CDH8: variants seen among roughly 807,000 people sequenced by gnomAD.
CDH8 encodes cadherin 8.
Under a neutral mutation model 68.1 loss-of-function variants are expected in CDH8, and 17 were observed. The observed-to-expected ratio is 0.25, with a 90% CI of 0.17 to 0.37. CDH8 has a LOEUF of 0.37. CDH8 is among the 10% of genes least tolerant of loss of function. The pLI is 1.00. For synonymous variants in CDH8, 372 were observed against 365.1 expected (o/e 1.02, Z -0.21); for missense variants, 763 against 999.3 (o/e 0.76, Z 3.19).
chr16:61,948,258 T>C (rs1444337106), intron 2 of CDH8, among the ~76,000 whole-genome samples: 1 of 152,210 alleles, frequency 6.6e-6, no homozygotes, highest in African/African-American at 2.4e-5. Context: ...TCTGATCTCC[T>C]GCTTCTCTGC....
At chr16:61,710,245 A>T (rs984310673) in intron 10 of CDH8, among the ~76,000 whole-genome samples, 1 of 152,090 alleles carries the variant, frequency 6.6e-6, no homozygotes, top group Non-Finnish European at 1.5e-5. Context: ...TGATTTGCTT[A>T]AAGTAAGAGT....
chr16:61,842,301 A>C (rs1195168363), intron 4 of CDH8, among the ~76,000 whole-genome samples: 1 of 152,082 alleles, frequency 6.6e-6, no homozygotes, highest in Admixed American at 6.6e-5. Context: ...ACATTTAGGA[A>C]GTGATTAGGC....
chr16:61,809,573 C>T (rs1241597515), intron 7 of CDH8, among the ~76,000 whole-genome samples: 1 of 152,082 alleles, frequency 6.6e-6, no homozygotes, highest in African/African-American at 2.4e-5. Context: ...ACGTTCTGCA[C>T]ATGTATCCCA....
chr16:61,706,412 T>C (rs1567432883), intron 10 of CDH8, among the ~76,000 whole-genome samples: 1 of 151,696 alleles, frequency 6.6e-6, no homozygotes, highest in East Asian at 2.0e-4. Context: ...GGTCAGGAGA[T>C]CGAGACCATC....
intron 10 of CDH8, among the ~76,000 whole-genome samples, chr16:61,696,209 CTCT>C (rs1964322518): frequency 6.6e-6 from 1 of 152,192 alleles, no homozygotes; most frequent in African/African-American, 2.4e-5. Context: ...CTGTGACTTA[CTCT>C]TTATTTTCAC....
chr16:61,729,035 G>A (rs1047848149), intron 8 of CDH8, among the ~76,000 whole-genome samples: 1 of 151,074 alleles, frequency 6.6e-6, no homozygotes, highest in East Asian at 1.9e-4. Context: ...CAGGTATATT[G>A]AATGTTTACT....
intron 7 of CDH8, among the ~76,000 whole-genome samples, chr16:61,813,438 T>C (rs138654435): frequency 9.9e-4 from 151 of 152,274 alleles, no homozygotes; most frequent in South Asian, 2.1e-3. Context: ...ATGCCTAAGC[T>C]GATAAAAGGC....
intron 8 of CDH8, among the ~76,000 whole-genome samples, chr16:61,761,985 A>G (rs1459325775): frequency 6.6e-6 from 1 of 152,134 alleles, no homozygotes; most frequent in Non-Finnish European, 1.5e-5. Context: ...TGGACAACAG[A>G]GCAAGACTTT....
intron 8 of CDH8, among the ~76,000 whole-genome samples, chr16:61,760,033 C>T (rs1350909087): frequency 2.6e-5 from 4 of 152,072 alleles, no homozygotes; most frequent in African/African-American, 4.8e-5. Context: ...ACCCCCCACC[C>T]CAACCCAAGG....
In CDH8 at chr16:61,653,430, CAT is replaced by C. The variant is rs1963368339; in HGVS notation, c.*176_*177del. On this transcript the variant is annotated 3_prime_UTR_variant, in exon 12 of 12. Transcript: ENST00000577390. ...CTCCACAAGATTTATAACCTCCTAA[CAT>C]ATACTTTTTTATTTTATTATCTTTT... 7.1e-7 allele frequency: 1 copy of C among 1,410,882 alleles called. No individual in the cohort carries two copies. Among genetic ancestry groups the C allele is most frequent in the Admixed American group, 3.2e-5 (1 of 31,550 alleles). 87.4% of individuals were successfully genotyped at this position (1,410,882 alleles called of 1,614,324 possible). A position where few individuals can be genotyped will look rare whatever the true frequency, so the allele number is the denominator to read the frequency against.
intron 3 of CDH8, among the ~76,000 whole-genome samples, chr16:61,885,153 A>G (rs1963650168): frequency 6.6e-6 from 1 of 152,228 alleles, no homozygotes; most frequent in Non-Finnish European, 1.5e-5. Context: ...ACTACAAAGC[A>G]GACAAAACAT....
At chr16:61,851,626 CAT>C (rs1223432569) in intron 4 of CDH8, among the ~76,000 whole-genome samples, 1 of 151,466 alleles carries the variant, frequency 6.6e-6, no homozygotes, top group Non-Finnish European at 1.5e-5. Context: ...TACAGGCAAA[CAT>C]ATGGTATTGG....
At chr16:61,966,021 T>TA (rs946263999) in intron 2 of CDH8, among the ~76,000 whole-genome samples, 4 of 152,014 alleles carry the variant, frequency 2.6e-5, no homozygotes, top group African/African-American at 9.7e-5. Context: ...AGGATGAAAA[T>TA]AAAAAAATGC....
chr16:61,851,571 C>T (rs943360356), intron 4 of CDH8, among the ~76,000 whole-genome samples: 1 of 151,860 alleles, frequency 6.6e-6, no homozygotes, highest in African/African-American at 2.4e-5. Flanking sequence ...AAATTAGTGC[C>T]TTTTAAATAA....
chr16:62,032,958 T>TC (rs1264854665), intron 1 of CDH8, among the ~76,000 whole-genome samples: 2 of 152,164 alleles, frequency 1.3e-5, no homozygotes, highest in Non-Finnish European at 2.9e-5. Flanking sequence ...ATGTTCTTTT[T>TC]CCCCACCAAT....
At chr16:62,031,823 A>G (rs1017720768) in intron 1 of CDH8, among the ~76,000 whole-genome samples, 2 of 152,182 alleles carry the variant, frequency 1.3e-5, no homozygotes, top group Admixed American at 6.5e-5. Context: ...GTGCTTTGCC[A>G]TGAAGCAACA....
At chr16:61,985,401 A>G (rs1965609024) in intron 2 of CDH8, among the ~76,000 whole-genome samples, 1 of 152,254 alleles carries the variant, frequency 6.6e-6, no homozygotes, top group African/African-American at 2.4e-5. Context: ...CATAGTAGAC[A>G]GCACATATAT....
In CDH8 at chr16:61,650,880, A is replaced by G. The variant is rs1963308187; in HGVS notation, c.*2728T>C. On this transcript the variant is annotated 3_prime_UTR_variant, in exon 12 of 12. Transcript: ENST00000577390. ...ATAGGCTTTTAAACACAAAATGCTG[A>G]CACTGTGGTGGCAAAGAAAGTCAGC... The G allele has an allele frequency of 6.6e-6, 1 of 152,096 alleles. No individual in the cohort carries two copies. Among genetic ancestry groups the G allele is most frequent in the Non-Finnish European group, 1.5e-5 (1 of 68,018 alleles). 9.4% of individuals were successfully genotyped at this position (152,096 alleles called of 1,614,324 possible). A position where few individuals can be genotyped will look rare whatever the true frequency, so the allele number is the denominator to read the frequency against.
Position 61,727,125 on chromosome 16 carries a change from G to C in CDH8, c.1505C>G (p.Ala502Gly), listed in dbSNP as rs1444313183. The C allele has an allele frequency of 1.9e-6, 3 of 1,610,700 alleles. No individual in the cohort carries two copies. Among genetic ancestry groups the C allele is most frequent in the Admixed American group, 1.7e-5 (1 of 59,668 alleles). The change falls in exon 9 of 12, where the codon GCA becomes GGA. Residue 502 changes from alanine to glycine, a missense_variant. Transcript: ENST00000577390. ...NAPEFASEYE[A>G]FLCENGKPGQ... ...GGGTTTTCCATTTTCACATAAAAATGCCTCATATTCGGATGCGAATTCAGG... is the reference window on the plus strand; with the variant it reads ...GGGTTTTCCATTTTCACATAAAAATCCCTCATATTCGGATGCGAATTCAGG...
Sources: allele counts gnomAD v4.1 joint callset (sites outside exome capture counted in the v4.1 genomes callset), GRCh38; gene constraint gnomAD v4.1.1; transcripts MANE v1.5; gene names NCBI Gene and HGNC (gene_info 2026-07-23, HGNC 2026-07-21).